KIRREL2: variants seen among roughly 807,000 people sequenced by gnomAD.
KIRREL2 encodes the protein kin of IRRE-like protein 2.
A neutral mutation model predicts 73.4 loss-of-function variants in KIRREL2; 56 were observed. The observed-to-expected ratio is 0.76, with a 90% CI of 0.62 to 0.95. KIRREL2 has a LOEUF of 0.95. Ranked by LOEUF, KIRREL2 falls within the 40% of genes least tolerant of loss-of-function variation. The probability of loss-of-function intolerance (pLI) is 0.00; values close to 1 mark genes in which losing one functional copy is unlikely to be tolerated. For missense variants in KIRREL2, 896 were observed against 935.0 expected (o/e 0.96, Z 0.54); for synonymous variants, 407 against 404.0 (o/e 1.01, Z -0.09).
At position 35,858,858 on chromosome 19, in the gene KIRREL2, C is replaced by T; in HGVS notation, c.516C>T (p.Phe172=). The part of the protein sequence containing the change: ...RDGVLLDGAT[F]HQTLLKEGTP... ...GGGTCCTGTTGGATGGAGCCACCTT[C>T]CATCAGGTCAGGTCCAAATTCCTGT... Residue 172 remains phenylalanine, a synonymous_variant, in exon 4 of 15, where the codon TTC becomes TTT. Transcript: ENST00000360202. 1 of 1,614,150 alleles carries T rather than the reference C, an allele frequency of 6.2e-7. No individual in the cohort carries two copies. Among genetic ancestry groups the T allele is most frequent in the Non-Finnish European group, 8.5e-7 (1 of 1,180,020 alleles).
At chr19:35,859,800 T>C (rs1279193320) in intron 5 of KIRREL2, among the ~76,000 whole-genome samples, 169 bp downstream of exon 5, 1 of 152,086 alleles carries the variant, frequency 6.6e-6, no homozygotes, top group Non-Finnish European at 1.5e-5. Context: ...CTCACAGAAC[T>C]TTGGGAGGTC....
upstream of KIRREL2, among the ~76,000 whole-genome samples, chr19:35,856,198 C>G (rs1331037755): frequency 6.6e-6 from 1 of 152,214 alleles, no homozygotes; most frequent in Non-Finnish European, 1.5e-5. The surrounding 1 kb of genome is among the most constrained non-coding windows in gnomAD (Gnocchi z 5.9). Flanking sequence ...GCCGTCAGGA[C>G]AAGCTGCGCG....
At chr19:35,859,406 T>C (rs771419060) in intron 4 of KIRREL2, 75 bp from the exon 5 acceptor site, 33 of 1,347,324 alleles carry the variant, frequency 2.4e-5, no homozygotes, top group Non-Finnish European at 3.1e-5. Flanking sequence ...CTTCTTCCAA[T>C]GTGGCCCAGG....
upstream of KIRREL2, chr19:35,856,861 G>A (rs961120608): frequency 7.2e-6 from 4 of 558,536 alleles, no homozygotes; most frequent in African/African-American, 7.8e-5. This position sits in a 1 kb window ranked among gnomAD's most constrained non-coding sequence, Gnocchi z 5.9. Flanking sequence ...GAGCTCCCGG[G>A]GGGCGGACCC....
chr19:35,861,621 TCTC>T lies in KIRREL2; in HGVS notation c.1272_1274del (p.Pro425del). 1 of 1,613,244 alleles carries T rather than the reference TCTC, an allele frequency of 6.2e-7. No homozygotes were observed. On this transcript the variant is annotated inframe_deletion, in exon 10 of 15. Coordinates refer to ENST00000360202, the MANE Select transcript of KIRREL2 (RefSeq NM_199180.4). The stretch of plus-strand genomic sequence containing the variant: ...TCGCCTCCAGTGTCTGGTTTTCGCC[TCTC>T]CCGCCCCAGATGCCGTGGTAAGGAA...
rs750167352 is a variant in KIRREL2 at position 35,862,935 on chromosome 19, TCTTTCTCCGAGC to T, written c.1625_1636del (p.Ser542_Gln546delinsTer). The T allele has an allele frequency of 5.7e-5, 89 of 1,564,090 alleles. No individual in the cohort carries two copies. Among genetic ancestry groups the T allele is most frequent in the Non-Finnish European group, 7.6e-5 (88 of 1,152,264 alleles). On this transcript the variant is annotated stop_gained and inframe_deletion, in exon 13 of 15. Transcript: ENST00000360202. LOFTEE classifies it high-confidence loss of function. Reference sequence around the variant, plus strand: ...CGGTCGCTGTTTGTCAGCCTCAGCCTCTTTCTCCGAGCAAAAGAACCTGATGCGAATCCCTGG... The same window carrying T: ...CGGTCGCTGTTTGTCAGCCTCAGCCTAAAAGAACCTGATGCGAATCCCTGG...
rs1194959819 is a variant in KIRREL2, at chr19:35,860,502, C to T, written c.780-17C>T. ...AGAGAGGCCAGGACAACGTTAACAG[C>T]GCCACCATTTCCTCAGGTGGGCAAA... On this transcript the variant is annotated splice_polypyrimidine_tract_variant and intron_variant, in intron 6 of 14. Coordinates refer to ENST00000360202, the MANE Select transcript of KIRREL2 (RefSeq NM_199180.4). 2 of 1,602,498 alleles carry T rather than the reference C, an allele frequency of 1.2e-6. No individual in the cohort carries two copies. Among genetic ancestry groups the T allele is most frequent in the Non-Finnish European group, 8.5e-7 (1 of 1,179,520 alleles).
intron 11 of KIRREL2, among the ~76,000 whole-genome samples, 158 bp downstream of exon 11, chr19:35,862,182 C>T (rs1191297703): frequency 6.6e-6 from 1 of 152,166 alleles, no homozygotes; most frequent in Non-Finnish European, 1.5e-5. Context: ...ATTCCCAAGA[C>T]ACCCCTCAAC....
At chr19:35,859,081 T>C (rs942964183) in intron 4 of KIRREL2, among the ~76,000 whole-genome samples, 3 of 152,202 alleles carry the variant, frequency 2.0e-5, no homozygotes, top group Admixed American at 1.3e-4. Context: ...TTGAGTAAGT[T>C]AGTTAACCTC....
In KIRREL2 at chr19:35,857,002, G is replaced by A; in HGVS notation, c.-118G>A. The stretch of plus-strand genomic sequence containing the variant: ...AGGACTCCAGGCCAGAGACTAGGCT[G>A]GGCGAAGAGTCGAGCGTGAAGGGGG... On this transcript the variant is annotated 5_prime_UTR_variant, in exon 1 of 15. Transcript: ENST00000360202. 2 of 1,027,956 alleles carry A rather than the reference G, an allele frequency of 1.9e-6. No individual in the cohort carries two copies. Among genetic ancestry groups the A allele is most frequent in the Non-Finnish European group, 3.0e-6 (2 of 655,934 alleles). The allele number at this position is 1,027,956 out of a possible 1,614,324, so 63.7% of individuals were successfully genotyped here.
intron 4 of KIRREL2, among the ~76,000 whole-genome samples, 166 bp from the exon 5 acceptor site, chr19:35,859,315 C>T (rs1973561858): frequency 6.6e-6 from 1 of 152,214 alleles, no homozygotes; most frequent in Admixed American, 6.5e-5. Context: ...CATAAACTTT[C>T]TTAAAACATT....
chr19:35,860,528 AG>A lies in KIRREL2; in HGVS notation c.794del (p.Gly265AlafsTer12). On this transcript the variant is annotated frameshift_variant, in exon 7 of 15. Coordinates refer to ENST00000360202, the MANE Select transcript of KIRREL2 (RefSeq NM_199180.4). LOFTEE classifies it high-confidence loss of function. Reference protein sequence around the residue: ...PPVTGYRWAKGGSPVLGARGP... With the variant: ...PPVTGYRWAKXGSPVLGARGP... ...GCCACCATTTCCTCAGGTGGGCAAAAGGGGGCTCTCCGGTGCTCGGGGCCCG... is the reference window on the plus strand; with the variant it reads ...GCCACCATTTCCTCAGGTGGGCAAAAGGGGCTCTCCGGTGCTCGGGGCCCG... The A allele has an allele frequency of 6.2e-7, 1 of 1,602,982 alleles. No individual in the cohort carries two copies.
Position 35,860,932 on chromosome 19 carries a change from C to T in KIRREL2, c.952C>T (p.Pro318Ser), listed in dbSNP as rs751445902. Residue 318 changes from proline (P) to serine (S), a missense_variant, in exon 8 of 15, where the codon CCG becomes TCG. Transcript: ENST00000360202. ...AGTTGGGCCGATTCTGCAGGCAAAG[C>T]CGGAGCCCGTGTCCGTGGACGTGGG... ...VLFGPILQAK[P>S]EPVSVDVGED... 1.2e-6 allele frequency: 2 copies of T among 1,613,764 alleles called. No homozygotes were observed. The highest frequency in any genetic ancestry group is 2.7e-5 in the African/African-American group (2 of 74,890).
In KIRREL2 at chr19:35,860,553, C is replaced by T. The variant is rs756322319; in HGVS notation, c.814C>T (p.Arg272Cys). Residue 272 changes from arginine (R) to cysteine (C), a missense_variant, in exon 7 of 15, where the codon CGC (arginine) becomes TGC (cysteine). Transcript: ENST00000360202. ...AGGGGGCTCTCCGGTGCTCGGGGCC[C>T]GCGGGCCAAGGTTAGAGGTCGTGGC... The part of the protein sequence containing the change: ...AKGGSPVLGA[R>C]GPRLEVVADA... 3 of 1,603,308 alleles carry T rather than the reference C, an allele frequency of 1.9e-6. No homozygotes were observed. The highest frequency in any genetic ancestry group is 2.2e-5 in the South Asian group (2 of 91,080).
chr19:35,861,804 G>C lies in KIRREL2; in HGVS notation c.1291-1G>C. ...GTGTCCTCCCTCTTTTGTGCCCCCA[G>C]GTCTGGTCTTGGGATGAGGGCTTCC... On this transcript the variant is annotated splice_acceptor_variant, in intron 10 of 14. Transcript: ENST00000360202. LOFTEE classifies it high-confidence loss of function. 6.3e-7 allele frequency: 1 copy of C among 1,588,308 alleles called. No individual in the cohort carries two copies. Among genetic ancestry groups the C allele is most frequent in the African/African-American group, 1.3e-5 (1 of 74,492 alleles).
At chr19:35,856,755 A>T (rs868451861), upstream of KIRREL2, 9 of 388,502 alleles carry the variant, frequency 2.3e-5, no homozygotes, top group Admixed American at 1.7e-4. This position sits in a 1 kb window ranked among gnomAD's most constrained non-coding sequence, Gnocchi z 5.9. Flanking sequence ...CCAGACCCCA[A>T]TTGAGCTGGG....
chr19:35,864,601 C>CG lies in KIRREL2; in HGVS notation c.1726-41dup, dbSNP rs779856987. Reference sequence around the variant, plus strand: ...AGGTCCTTGGGGTCTGGCATTGGGGCGGGGGGATCCTCTGACTATTCCCTC... The same window carrying CG: ...AGGTCCTTGGGGTCTGGCATTGGGGCGGGGGGGATCCTCTGACTATTCCCTC... On this transcript the variant is annotated intron_variant, in intron 13 of 14. Coordinates refer to ENST00000360202, the MANE Select transcript of KIRREL2 (RefSeq NM_199180.4). The CG allele has an allele frequency of 8.0e-6, 12 of 1,507,826 alleles. No homozygotes were observed. In the South Asian group the frequency reaches 1.1e-4, roughly 14 times the overall value. The allele number at this position is 1,507,826 out of a possible 1,614,324, so 93.4% of individuals were successfully genotyped here.
rs553360270 is a variant in KIRREL2 at position 35,866,142 on chromosome 19, C to G, written c.1792-15C>G. 1.3e-6 allele frequency: 2 copies of G among 1,593,602 alleles called. No homozygotes were observed. Among genetic ancestry groups the G allele is most frequent in the Admixed American group, 1.9e-5 (1 of 52,526 alleles). On this transcript the variant is annotated splice_polypyrimidine_tract_variant and intron_variant, in intron 14 of 14. Transcript: ENST00000360202. ...CACGCTCACAGACTTTACTGAGTCC[C>G]ATTTGTCCCCTCAGGACCCAACCAA...
At position 35,857,104 on chromosome 19, in the gene KIRREL2, G is replaced by C; in HGVS notation, c.-16G>C. ...AGGCCAGTGCGACGGCAAATCTCGT[G>C]AACCTTGGGGGACGAATGCTCAGGA... is the stretch of plus-strand genomic sequence containing the variant. On this transcript the variant is annotated 5_prime_UTR_variant, in exon 1 of 15. Coordinates refer to ENST00000360202, the MANE Select transcript of KIRREL2 (RefSeq NM_199180.4). The C allele has an allele frequency of 1.2e-6, 2 of 1,613,720 alleles. No individual in the cohort carries two copies. Among genetic ancestry groups the C allele is most frequent in the Non-Finnish European group, 1.7e-6 (2 of 1,179,922 alleles).
Sources: gnomAD v4.1 joint callset for allele counts (sites outside exome capture counted in the v4.1 genomes callset) on GRCh38, gnomAD v4.1.1 for gene constraint, Gnocchi (gnomAD v3.1) non-coding constraint, MANE v1.5 for transcripts, NCBI Gene and HGNC (gene_info 2026-07-23, HGNC 2026-07-21) for gene names.